The following POU2F1 variants were observed in gnomAD, a reference collection of about 807,000 sequenced individuals.
POU2F1 encodes POU domain, class 2, transcription factor 1.
In POU2F1, 16 loss-of-function variants were observed where a neutral mutation model predicts 84.9. The observed-to-expected ratio is 0.19, with a 90% confidence interval of 0.13 to 0.29. The LOEUF is 0.29. Among genes scored for constraint, POU2F1 ranks in the 10% least tolerant of loss-of-function variants. POU2F1 has a pLI of 1.00. For synonymous variants in POU2F1, 368 were observed against 368.3 expected (o/e 1.00, Z 0.01); for missense variants, 738 against 942.6 (o/e 0.78, Z 2.84).
intron 1 of POU2F1, among the ~76,000 whole-genome samples, chr1:167,245,874 G>C (rs536164772): frequency 6.6e-6 from 1 of 152,326 alleles, no homozygotes; most frequent in East Asian, 1.9e-4. Flanking sequence ...AATAATTTCT[G>C]AAAATTGTGA....
At chr1:167,326,448 C>T (rs926913902) in intron 1 of POU2F1, among the ~76,000 whole-genome samples, 3 of 152,312 alleles carry the variant, frequency 2.0e-5, no homozygotes, top group Non-Finnish European at 2.9e-5. Flanking sequence ...TTGGGGAGTA[C>T]AGGCAAGAGA....
intron 13 of POU2F1, among the ~76,000 whole-genome samples, chr1:167,411,407 T>TG (rs942437591): frequency 1.3e-5 from 2 of 150,182 alleles, no homozygotes; most frequent in African/African-American, 4.9e-5. Flanking sequence ...TGTATGTTGT[T>TG]TTTTTTTTTA....
chr1:167,341,917 G>C (rs1211599175), intron 2 of POU2F1, among the ~76,000 whole-genome samples: 3 of 152,122 alleles, frequency 2.0e-5, no homozygotes, highest in African/African-American at 7.2e-5. Context: ...TCTTCCCCTA[G>C]AGTTTGGCCA....
chr1:167,238,028 C>T lies in POU2F1; in HGVS notation c.61+17070C>T, dbSNP rs375470002. On this transcript the variant is annotated intron_variant, in intron 1 of 15. Coordinates refer to ENST00000367866, the MANE Select transcript of POU2F1 (RefSeq NM_002697.4). ...AACTCCTGACCTGAAGTGATCTGCC[C>T]GCCTTGGTCTCCCAAAGTGCCGGGA... Among the ~76,000 whole-genome samples the T allele has an allele frequency of 3.0e-4, 46 of 151,798 alleles. 1 individual carries two copies. The East Asian group carries it at 8.1e-3, about 27-fold the overall frequency.
chr1:167,287,883 T>A (rs987462931), intron 1 of POU2F1, among the ~76,000 whole-genome samples: 3 of 152,064 alleles, frequency 2.0e-5, no homozygotes, highest in Non-Finnish European at 2.9e-5. Context: ...AGAGAATATC[T>A]TAATAGAGAG....
At chr1:167,415,266 C>G (rs1265515929) in intron 15 of POU2F1, among the ~76,000 whole-genome samples, 1 of 152,142 alleles carries the variant, frequency 6.6e-6, no homozygotes, top group African/African-American at 2.4e-5. Flanking sequence ...GTCTTCTACC[C>G]CTGCTTGTGC....
At chr1:167,415,351 C>A in intron 15 of POU2F1, 149 bp from the exon 16 acceptor site, 1 of 777,188 alleles carries the variant, frequency 1.3e-6, no homozygotes, top group Non-Finnish European at 2.0e-6. Flanking sequence ...CAATATAGCA[C>A]TGTGTTTGAG....
In POU2F1 at chr1:167,253,019, A is replaced by C. The variant is rs149807689; in HGVS notation, c.61+32061A>C. On this transcript the variant is annotated intron_variant, in intron 1 of 15. Coordinates refer to ENST00000367866, the MANE Select transcript of POU2F1 (RefSeq NM_002697.4). Reference sequence around the variant, plus strand: ...TCTAATTGGACCCTTGGGTTCTTAAAAAATGGCCTTCTTTTATCACCATAT... The same window carrying C: ...TCTAATTGGACCCTTGGGTTCTTAACAAATGGCCTTCTTTTATCACCATAT... Among the ~76,000 whole-genome samples the C allele has an allele frequency of 4.3e-4, 65 of 152,378 alleles. No homozygotes were observed. The East Asian group carries it at 0.01, about 24-fold the overall frequency.
rs1055451477 is a variant in POU2F1 at position 167,353,739 on chromosome 1, A to G, written c.128-11728A>G. Among the ~76,000 whole-genome samples the G allele has an allele frequency of 2.0e-5, 3 of 152,072 alleles. No individual in the cohort carries two copies. The East Asian group carries it at 5.8e-4, about 29-fold the overall frequency. On this transcript the variant is annotated intron_variant, in intron 2 of 15. Transcript: ENST00000367866. Reference sequence around the variant, plus strand: ...TTATTGTTGATTCTTTTACGATTTTATGCAAAAGTAATTGTAAAAACTTGT... The same window carrying G: ...TTATTGTTGATTCTTTTACGATTTTGTGCAAAAGTAATTGTAAAAACTTGT...
intron 13 of POU2F1, among the ~76,000 whole-genome samples, chr1:167,407,396 G>C (rs1649656932): frequency 6.6e-6 from 1 of 152,038 alleles, no homozygotes; most frequent in African/African-American, 2.4e-5. Context: ...TCTTTGTTTT[G>C]TTTTAAAGAA....
chr1:167,271,941 A>G (rs266836), intron 1 of POU2F1, among the ~76,000 whole-genome samples: 14,069 of 152,216 alleles, frequency 0.092, 2,079 homozygotes, highest in African/African-American at 0.32. Flanking sequence ...TGAAACATCA[A>G]TATTCATAAA....
At chr1:167,373,846 T>A (rs1386145873) in intron 5 of POU2F1, among the ~76,000 whole-genome samples, 1 of 151,958 alleles carries the variant, frequency 6.6e-6, no homozygotes, top group African/African-American at 2.4e-5. Context: ...TGCTTACTAG[T>A]TAATTACTTT....
rs774910605 is a variant in POU2F1 at position 167,399,413 on chromosome 1, A to T, written c.1449+48A>T. 7 of 1,493,716 alleles carry T rather than the reference A, an allele frequency of 4.7e-6. No individual in the cohort carries two copies. In the South Asian group the frequency reaches 7.6e-5, roughly 16 times the overall value. 92.5% of individuals were successfully genotyped at this position (1,493,716 alleles called of 1,614,324 possible). ...GCAAGCTCAAGGGCTAATTTTTGCA[A>T]TTTTACAAATGACCTGTTAAATCAG... On this transcript the variant is annotated intron_variant, in intron 12 of 15. Transcript: ENST00000367866.
At chr1:167,329,026 A>C in intron 1 of POU2F1, 1 of 1,128,240 alleles carries the variant, frequency 8.9e-7, no homozygotes, top group South Asian at 2.8e-5. Flanking sequence ...TGTCAGTCCT[A>C]GCTGGTAGGA....
At position 167,317,899 on chromosome 1, in the gene POU2F1, A is replaced by G. The variant is rs547894555; in HGVS notation, c.62-14571A>G. On this transcript the variant is annotated intron_variant, in intron 1 of 15. Transcript: ENST00000367866. The stretch of plus-strand genomic sequence containing the variant: ...ATAAAAGCAAAGGTGGCTTTATCAC[A>G]GTGAGCTACTTCTCGCAGGAGTCGG... 1.1e-4 allele frequency among the ~76,000 whole-genome samples: 17 copies of G among 152,348 alleles called. No individual in the cohort carries two copies. In the South Asian group the frequency reaches 3.5e-3, roughly 32 times the overall value.
intron 2 of POU2F1, among the ~76,000 whole-genome samples, chr1:167,340,427 TTTTC>T (rs1461771180): frequency 4.9e-5 from 7 of 143,570 alleles, no homozygotes; most frequent in African/African-American, 2.0e-4. Context: ...TTTTTTCTTT[TTTTC>T]TTTTTTTTTT....
intron 1 of POU2F1, among the ~76,000 whole-genome samples, chr1:167,313,847 A>G (rs1318177557): frequency 6.6e-6 from 1 of 152,100 alleles, no homozygotes; most frequent in African/African-American, 2.4e-5. Context: ...CTAATAAAGG[A>G]CTCCTGTCTA....
intron 14 of POU2F1, 28 bp downstream of exon 14, chr1:167,412,332 T>C: frequency 6.7e-7 from 1 of 1,495,992 alleles, no homozygotes; most frequent in Non-Finnish European, 9.0e-7. Flanking sequence ...CTCATTCACG[T>C]CTGAGGTGGA....
chr1:167,305,333 A>G (rs1031110644), intron 1 of POU2F1, among the ~76,000 whole-genome samples: 1 of 151,876 alleles, frequency 6.6e-6, no homozygotes, highest in Non-Finnish European at 1.5e-5. Context: ...TATTACAGGC[A>G]TACACCACCA....
Sources: gnomAD v4.1 joint callset for allele counts (sites outside exome capture counted in the v4.1 genomes callset) on GRCh38, gnomAD v4.1.1 for gene constraint, MANE v1.5 for transcripts, NCBI Gene and HGNC (gene_info 2026-07-23, HGNC 2026-07-21) for gene names.